PCDHGA12: variants seen among roughly 807,000 people sequenced by gnomAD.
The protein encoded by PCDHGA12 is protocadherin gamma subfamily A, 12, also known as protocadherin gamma-A12.
A neutral mutation model predicts 61.1 loss-of-function variants in PCDHGA12; 43 were observed. That is an observed-to-expected ratio of 0.70 (90% CI 0.55 to 0.91). The LOEUF is 0.91. PCDHGA12 is among the 40% of genes least tolerant of loss of function. The probability of loss-of-function intolerance (pLI) is 0.00; values close to 1 mark genes in which losing one functional copy is unlikely to be tolerated. For synonymous variants in PCDHGA12, 520 were observed against 542.9 expected, an observed-to-expected ratio of 0.96 and a Z score of 0.59; for missense variants, 1,236 against 1,227.7, an observed-to-expected ratio of 1.01 and a Z score of -0.10.
rs1296504554 is a variant in PCDHGA12 at position 141,433,068 on chromosome 5, T to G, written c.2309T>G (p.Phe770Cys). 1 of 1,613,900 alleles carries G rather than the reference T, an allele frequency of 6.2e-7. No individual in the cohort carries two copies. The highest frequency in any genetic ancestry group is 1.1e-5 in the South Asian group (1 of 91,056). The change falls in exon 1 of 4, where the codon TTC (phenylalanine) becomes TGC (cysteine). Residue 770 changes from phenylalanine to cysteine, a missense_variant. Phe to Cys is a radical substitution (Grantham distance 205). Transcript: ENST00000252085. ...TTDSRKSHLI[F>C]PQPNYADMLV... ...GACTCGCGGAAGAGTCACCTGATCT[T>G]CCCCCAGCCCAACTATGCAGACATG...
chr5:141,432,286 C>T lies in PCDHGA12; in HGVS notation c.1527C>T (p.Ser509=). ...TATCGTCCTACGTGTCCATCAACTCCGACACTGGGGTACTGTATGCGCTGA... is the reference window on the plus strand; with the variant it reads ...TATCGTCCTACGTGTCCATCAACTCTGACACTGGGGTACTGTATGCGCTGA... The part of the protein sequence containing the change: ...ASLSSYVSIN[S]DTGVLYALSS... The change falls in exon 1 of 4, where the codon TCC becomes TCT. Residue 509 remains serine, a synonymous_variant. Transcript: ENST00000252085. This position sits in a 1 kb window ranked among gnomAD's most constrained non-coding sequence, Gnocchi z 6.0. 3 of 1,614,252 alleles carry T rather than the reference C, an allele frequency of 1.9e-6. No homozygotes were observed. Among genetic ancestry groups the T allele is most frequent in the Non-Finnish European group, 2.5e-6 (3 of 1,180,048 alleles).
intron 1 of PCDHGA12, among the ~76,000 whole-genome samples, chr5:141,469,436 G>T (rs556417221): frequency 6.6e-6 from 1 of 152,002 alleles, no homozygotes; most frequent in Non-Finnish European, 1.5e-5. Flanking sequence ...TTAGCTGGGC[G>T]TGGTGGTGCA....
In PCDHGA12 at chr5:141,489,327, G is replaced by A; in HGVS notation, c.2425-5480G>A. The A allele has an allele frequency of 6.2e-7, 1 of 1,603,940 alleles. No individual in the cohort carries two copies. Among genetic ancestry groups the A allele is most frequent in the South Asian group, 1.1e-5 (1 of 89,400 alleles). ...TGTGCTGCTGGGGCTGGGTGTCTGG[G>A]CAGCTTCGTTACTCAGTGGTGGAGG... is the stretch of plus-strand genomic sequence containing the variant. On this transcript the variant is annotated intron_variant, in intron 1 of 3. Transcript: ENST00000252085. This position sits in a 1 kb window ranked among gnomAD's most constrained non-coding sequence, Gnocchi z 4.5.
At chr5:141,481,732 T>G (rs549671056) in intron 1 of PCDHGA12, among the ~76,000 whole-genome samples, 33 of 151,884 alleles carry the variant, frequency 2.2e-4, no homozygotes, top group Non-Finnish European at 4.3e-4. Context: ...GGCGGGCGGA[T>G]CACGAGGTCA....
chr5:141,462,462 T>G (rs570804965), intron 1 of PCDHGA12, among the ~76,000 whole-genome samples: 1 of 152,346 alleles, frequency 6.6e-6, no homozygotes, highest in Middle Eastern at 3.4e-3. Flanking sequence ...CTGAAAACTG[T>G]GTATTCTGCT....
chr5:141,433,408 A>ATCTATCT (rs1413347413), intron 1 of PCDHGA12, among the ~76,000 whole-genome samples: 44 of 127,346 alleles, frequency 3.5e-4, no homozygotes, highest in African/African-American at 1.2e-3. Context: ...TCTATCTATT[A>ATCTATCT]CTTTCTTGTA....
At chr5:141,482,530 C>CAAAAAA (rs3074545) in intron 1 of PCDHGA12, among the ~76,000 whole-genome samples, 68 of 76,370 alleles carry the variant, frequency 8.9e-4, no homozygotes, top group African/African-American at 1.2e-3. Context: ...GACAGACATG[C>CAAAAAA]AAAAAAAAAA....
intron 1 of PCDHGA12, among the ~76,000 whole-genome samples, chr5:141,457,984 A>G (rs1210742359): frequency 2.0e-5 from 3 of 152,226 alleles, no homozygotes; most frequent in Non-Finnish European, 1.5e-5. Context: ...ACACCCTTTC[A>G]GTTAAAGCCT....
chr5:141,503,763 T>C (rs1014883264), intron 2 of PCDHGA12, among the ~76,000 whole-genome samples: 1 of 152,174 alleles, frequency 6.6e-6, no homozygotes, highest in Non-Finnish European at 1.5e-5. Context: ...ATGGCAGCCT[T>C]GTGTCTGTTC....
intron 1 of PCDHGA12, among the ~76,000 whole-genome samples, chr5:141,465,995 A>G (rs551920109): frequency 1.4e-3 from 208 of 151,976 alleles, no homozygotes; most frequent in African/African-American, 4.8e-3. Context: ...GGTGGCAGGC[A>G]CCTGTAGTCC....
intron 1 of PCDHGA12, among the ~76,000 whole-genome samples, chr5:141,472,102 T>C (rs1231168102): frequency 6.6e-6 from 1 of 152,240 alleles, no homozygotes; most frequent in Non-Finnish European, 1.5e-5. Flanking sequence ...ATTCCCATTT[T>C]ATACATAAAG....
At chr5:141,469,700 T>TA (rs1483261429) in intron 1 of PCDHGA12, among the ~76,000 whole-genome samples, 1 of 152,272 alleles carries the variant, frequency 6.6e-6, no homozygotes, top group African/African-American at 2.4e-5. Context: ...TATGACCTAG[T>TA]AATCACACTA....
At chr5:141,506,566 T>C (rs909998933) in intron 3 of PCDHGA12, among the ~76,000 whole-genome samples, 33 of 152,022 alleles carry the variant, frequency 2.2e-4, no homozygotes, top group Non-Finnish European at 2.9e-5. Flanking sequence ...ACCCCCTCGG[T>C]TTCACTTACT....
Position 141,490,849 on chromosome 5 carries a change from C to T in PCDHGA12, c.2425-3958C>T, listed in dbSNP as rs200640560. The stretch of plus-strand genomic sequence containing the variant: ...GATGCTGCAGATTGTGGTGGGGGTT[C>T]GAGACTCCGGCTCTCCCCCATTGCA... On this transcript the variant is annotated intron_variant, in intron 1 of 3. Coordinates refer to ENST00000252085, the MANE Select transcript of PCDHGA12 (RefSeq NM_003735.3). This position sits in a 1 kb window ranked among gnomAD's most constrained non-coding sequence, Gnocchi z 5.4. The T allele has an allele frequency of 1.3e-5, 21 of 1,613,748 alleles. No individual in the cohort carries two copies. Among genetic ancestry groups the T allele is most frequent in the Admixed American group, 1.7e-5 (1 of 60,022 alleles).
chr5:141,497,187 G>T (rs1475463841), intron 2 of PCDHGA12, among the ~76,000 whole-genome samples: 2 of 139,586 alleles, frequency 1.4e-5, no homozygotes, highest in Non-Finnish European at 3.0e-5. Flanking sequence ...GTTCTGAGAG[G>T]CAGAGAACAA....
chr5:141,490,151 T>C lies in PCDHGA12; in HGVS notation c.2425-4656T>C, dbSNP rs1449636059. The stretch of plus-strand genomic sequence containing the variant: ...GACCCTAGCAGTGGGGCAATCCATG[T>C]GTTGGGTCCCATAGACTTTGAGGAG... On this transcript the variant is annotated intron_variant, in intron 1 of 3. Transcript: ENST00000252085. The surrounding 1 kb of genome is among the most constrained non-coding windows in gnomAD (Gnocchi z 5.4). 4 of 1,614,210 alleles carry C rather than the reference T, an allele frequency of 2.5e-6. No homozygotes were observed. The highest frequency in any genetic ancestry group is 3.4e-6 in the Non-Finnish European group (4 of 1,180,018).
chr5:141,471,036 C>A (rs1437409726), intron 1 of PCDHGA12, among the ~76,000 whole-genome samples: 1 of 144,908 alleles, frequency 6.9e-6, no homozygotes, highest in Admixed American at 7.0e-5. Context: ...TATTAACAAG[C>A]CCAAGCCCTC....
Position 141,476,993 on chromosome 5 carries a change from C to A in PCDHGA12, c.2425-17814C>A. 6.2e-7 allele frequency: 1 copy of A among 1,614,244 alleles called. No individual in the cohort carries two copies. Among genetic ancestry groups the A allele is most frequent in the South Asian group, 1.1e-5 (1 of 91,086 alleles). Reference sequence around the variant, plus strand: ...CAGCCACAACCGCGCCGGCGTGCGGCAACTATTCGCCTTAGACCTTGTAAC... The same window carrying A: ...CAGCCACAACCGCGCCGGCGTGCGGAAACTATTCGCCTTAGACCTTGTAAC... On this transcript the variant is annotated intron_variant, in intron 1 of 3. Coordinates refer to ENST00000252085, the MANE Select transcript of PCDHGA12 (RefSeq NM_003735.3). This position sits in a 1 kb window ranked among gnomAD's most constrained non-coding sequence, Gnocchi z 7.6.
intron 2 of PCDHGA12, among the ~76,000 whole-genome samples, chr5:141,499,326 C>T (rs1465474737): frequency 6.6e-6 from 1 of 152,156 alleles, no homozygotes. Context: ...TATCCCTGCT[C>T]TCTCTCAGTT....
Sources: gnomAD v4.1 joint callset for allele counts (sites outside exome capture counted in the v4.1 genomes callset) on GRCh38, gnomAD v4.1.1 for gene constraint, Gnocchi (gnomAD v3.1) non-coding constraint, MANE v1.5 for transcripts, NCBI Gene and HGNC (gene_info 2026-07-23, HGNC 2026-07-21) for gene names.